CUX1: variants seen among roughly 807,000 people sequenced by gnomAD.
CUX1 encodes protein CASP.
A neutral mutation model predicts 158.8 loss-of-function variants in CUX1; 31 were observed. The ratio of observed to expected loss-of-function variants is 0.20; its 90% CI spans 0.15 to 0.26. The LOEUF (loss-of-function observed/expected upper bound fraction) is 0.26. CUX1 is among the 10% of genes least tolerant of loss of function. The probability of loss-of-function intolerance (pLI) is 1.00; values close to 1 mark genes in which losing one functional copy is unlikely to be tolerated. For synonymous variants in CUX1, 879 were observed against 862.1 expected (o/e 1.02, Z -0.34); for missense variants, 1,589 against 2,014.6 (o/e 0.79, Z 4.04).
At chr7:102,234,927 A>T (rs1258724387) in intron 22 of CUX1, among the ~76,000 whole-genome samples, 1 of 152,126 alleles carries the variant, frequency 6.6e-6, no homozygotes, top group African/African-American at 2.4e-5. Flanking sequence ...TATCTCAAAA[A>T]AAAAAAATGC....
At chr7:101,882,888 C>G (rs1799858911) in intron 1 of CUX1, among the ~76,000 whole-genome samples, 1 of 152,206 alleles carries the variant, frequency 6.6e-6, no homozygotes, top group Non-Finnish European at 1.5e-5. Flanking sequence ...CTCGCCCAGC[C>G]TTGGCTGTCC....
At chr7:101,876,793 C>T (rs984829039) in intron 1 of CUX1, among the ~76,000 whole-genome samples, 2 of 152,096 alleles carry the variant, frequency 1.3e-5, no homozygotes, top group Non-Finnish European at 2.9e-5. Context: ...ACATGGTTTT[C>T]CACTATATGA....
chr7:102,090,368 T>A (rs963162024), intron 4 of CUX1, among the ~76,000 whole-genome samples: 7 of 142,020 alleles, frequency 4.9e-5, no homozygotes, highest in African/African-American at 1.9e-4. Flanking sequence ...CATGATACCG[T>A]TTTTTTTTTT....
intron 1 of CUX1, among the ~76,000 whole-genome samples, chr7:101,840,965 C>T (rs1795139961): frequency 6.6e-6 from 1 of 152,020 alleles, no homozygotes. Flanking sequence ...GCGATCTCAG[C>T]TCACTGCAAC....
chr7:102,053,806 T>C (rs1305058809), intron 3 of CUX1, among the ~76,000 whole-genome samples: 2,225 of 146,562 alleles, frequency 0.015, 56 homozygotes, highest in African/African-American at 0.054. Flanking sequence ...TTCTCACTTT[T>C]TTTTTTTTTT....
At chr7:101,969,899 ACG>A (rs1811725529) in intron 2 of CUX1, among the ~76,000 whole-genome samples, 1 of 148,794 alleles carries the variant, frequency 6.7e-6, no homozygotes, top group Admixed American at 6.9e-5. Flanking sequence ...TCTTGCCCCA[ACG>A]CGTATCAGGA....
chr7:102,161,206 T>G (rs1177288804), intron 9 of CUX1: 1 of 151,922 alleles, frequency 6.6e-6, no homozygotes, highest in Non-Finnish European at 1.5e-5. Flanking sequence ...AAAAGTTAGC[T>G]GGGCGTGGCA....
chr7:101,977,797 A>T (rs1315618942), intron 2 of CUX1, among the ~76,000 whole-genome samples: 1 of 152,104 alleles, frequency 6.6e-6, no homozygotes, highest in Non-Finnish European at 1.5e-5. Context: ...AATAAATAAA[A>T]AAGATTCCTC....
intron 8 of CUX1, among the ~76,000 whole-genome samples, chr7:102,143,272 C>G (rs549249346): frequency 6.6e-6 from 1 of 152,178 alleles, no homozygotes; most frequent in East Asian, 1.9e-4. Flanking sequence ...GGCTAACAAT[C>G]TTTTTCTTTT....
At chr7:101,973,516 A>G (rs1812248382) in intron 2 of CUX1, among the ~76,000 whole-genome samples, 3 of 152,168 alleles carry the variant, frequency 2.0e-5, no homozygotes, top group Middle Eastern at 3.2e-3. Flanking sequence ...ATACAGGGAA[A>G]GTTATGCATA....
chr7:101,825,755 G>C lies in CUX1; in HGVS notation c.30+8086G>C, dbSNP rs187427543. ...ACGCCCTGATACCTTAATGAAATCT[G>C]TGTGTGTGTGTGTGTGTGTGTGTGT... On this transcript the variant is annotated intron_variant, in intron 1 of 23. Transcript: ENST00000292535. Among the ~76,000 whole-genome samples the C allele has an allele frequency of 1.0e-4, 9 of 87,286 alleles. 1 individual carries two copies. Among genetic ancestry groups the C allele is most frequent in the African/African-American group, 3.3e-4 (8 of 24,356 alleles). 57.3% of individuals were successfully genotyped at this position (87,286 alleles called of 152,430 possible).
intron 2 of CUX1, among the ~76,000 whole-genome samples, chr7:102,009,000 C>T (rs1439692496): frequency 1.3e-5 from 2 of 152,104 alleles, no homozygotes; most frequent in African/African-American, 2.4e-5. Flanking sequence ...AGGGAACCCT[C>T]GGCCCCGCGT....
intron 1 of CUX1, among the ~76,000 whole-genome samples, chr7:101,911,592 G>C (rs1803474871): frequency 6.6e-6 from 1 of 152,110 alleles, no homozygotes; most frequent in Admixed American, 6.5e-5. Context: ...GTTGACCTTG[G>C]CCCGCCAGTG....
At chr7:101,830,664 C>A (rs2131020791) in intron 1 of CUX1, among the ~76,000 whole-genome samples, 1 of 151,786 alleles carries the variant, frequency 6.6e-6, no homozygotes, top group East Asian at 1.9e-4. Flanking sequence ...AGTATGTTGG[C>A]CAGGCTGGTC....
chr7:102,105,418 T>A (rs1168837152), intron 6 of CUX1, among the ~76,000 whole-genome samples: 1 of 150,944 alleles, frequency 6.6e-6, no homozygotes, highest in Non-Finnish European at 1.5e-5. Flanking sequence ...GAGTTGGTTT[T>A]CCCCTAGTGT....
intron 2 of CUX1, among the ~76,000 whole-genome samples, chr7:101,981,096 G>C (rs1200860246): frequency 6.6e-6 from 1 of 152,116 alleles, no homozygotes; most frequent in Admixed American, 6.5e-5. Flanking sequence ...GATGACCTAG[G>C]GAGAGGCCTC....
Position 102,248,991 on chromosome 7 carries a change from C to A in CUX1, c.4467C>A (p.His1489Gln). The A allele has an allele frequency of 2.1e-6, 3 of 1,426,358 alleles. No individual in the cohort carries two copies. The highest frequency in any genetic ancestry group is 1.5e-5 in the African/African-American group (1 of 66,658). 88.4% of individuals were successfully genotyped at this position (1,426,358 alleles called of 1,614,324 possible). A position where few individuals can be genotyped will look rare whatever the true frequency, so the allele number is the denominator to read the frequency against. ...KKAANLNSII[H>Q]RLEKAASREE... ...CCGCGAACTTGAACAGCATCATCCACCGCCTGGAGAAGGCCGCCAGCCGGG... is the reference window on the plus strand; with the variant it reads ...CCGCGAACTTGAACAGCATCATCCAACGCCTGGAGAAGGCCGCCAGCCGGG... Residue 1489 changes from histidine (H) to glutamine (Q), a missense_variant, in exon 24 of 24, where the codon CAC becomes CAA. Transcript: ENST00000292535. This position sits in a 1 kb window ranked among gnomAD's most constrained non-coding sequence, Gnocchi z 5.8.
chr7:102,070,200 T>G (rs753583525), intron 3 of CUX1, 139 bp from the exon 4 acceptor site: 127 of 672,914 alleles, frequency 1.9e-4, no homozygotes, highest in Admixed American at 7.8e-4. Flanking sequence ...TTGCAGGCAT[T>G]TCCTCTAAGA....
chr7:101,853,090 C>G (rs1340565561), intron 1 of CUX1, among the ~76,000 whole-genome samples: 1 of 152,148 alleles, frequency 6.6e-6, no homozygotes. Context: ...CACCCAGGAA[C>G]CCTCCACCCA....
Sources: gnomAD v4.1 joint callset for allele counts (sites outside exome capture counted in the v4.1 genomes callset) on GRCh38, gnomAD v4.1.1 for gene constraint, Gnocchi (gnomAD v3.1) non-coding constraint, MANE v1.5 for transcripts, NCBI Gene and HGNC (gene_info 2026-07-23, HGNC 2026-07-21) for gene names.